TTLL5: variants seen among roughly 807,000 people sequenced by gnomAD.
The protein encoded by TTLL5 is tubulin tyrosine ligase like 5, also known as tubulin polyglutamylase TTLL5.
TTLL5 carries 132 observed loss-of-function variants against 168.4 expected under a neutral mutation model. That is an observed-to-expected ratio of 0.78 (90% CI 0.68 to 0.91). TTLL5 has a LOEUF of 0.91. TTLL5 is among the 40% of genes least tolerant of loss of function. The probability of loss-of-function intolerance (pLI) is 0.00; values close to 1 mark genes in which losing one functional copy is unlikely to be tolerated. For synonymous variants in TTLL5, 546 were observed against 558.6 expected (o/e 0.98, Z 0.32); for missense variants, 1,545 against 1,581.5 (o/e 0.98, Z 0.39).
intron 28 of TTLL5, among the ~76,000 whole-genome samples, chr14:75,823,780 C>G (rs1894965792): frequency 6.6e-6 from 1 of 152,122 alleles, no homozygotes; most frequent in South Asian, 2.1e-4. Context: ...CTGGCCAGCT[C>G]CCATTGTCTA....
intron 28 of TTLL5, among the ~76,000 whole-genome samples, chr14:75,824,245 G>A (rs1894991391): frequency 6.6e-6 from 1 of 152,144 alleles, no homozygotes; most frequent in Non-Finnish European, 1.5e-5. Context: ...TGGGTGCTGG[G>A]TAGGGCCTAA....
intron 17 of TTLL5, among the ~76,000 whole-genome samples, chr14:75,747,272 G>A (rs964132033): frequency 2.0e-5 from 3 of 151,752 alleles, no homozygotes; most frequent in African/African-American, 7.3e-5. Context: ...GTTTTTGTGT[G>A]TCCTTTTTCT....
chr14:75,783,099 T>C, intron 25 of TTLL5, 48 bp from the exon 26 acceptor site: 1 of 1,494,674 alleles, frequency 6.7e-7, no homozygotes, highest in South Asian at 1.3e-5. Context: ...AGAGATTGTA[T>C]GTTTGTTTTT....
intron 27 of TTLL5, among the ~76,000 whole-genome samples, chr14:75,811,065 C>T (rs1258358876): frequency 2.1e-5 from 3 of 142,754 alleles, no homozygotes; most frequent in Non-Finnish European, 4.5e-5. Context: ...AACCACTTTT[C>T]TACTCAACTG....
intron 28 of TTLL5, among the ~76,000 whole-genome samples, chr14:75,829,506 A>G (rs1163348318): frequency 6.6e-6 from 1 of 152,184 alleles, no homozygotes; most frequent in African/African-American, 2.4e-5. Context: ...AATCATCATA[A>G]AGGTCTTCAT....
intron 31 of TTLL5, chr14:75,930,462 C>A: frequency 2.1e-6 from 1 of 481,152 alleles, no homozygotes; most frequent in African/African-American, 2.1e-5. Flanking sequence ...TAGGGATGTT[C>A]AACCAGTAAG....
chr14:75,808,048 T>C (rs1893759498), intron 27 of TTLL5, among the ~76,000 whole-genome samples: 1 of 152,170 alleles, frequency 6.6e-6, no homozygotes, highest in African/African-American at 2.4e-5. Flanking sequence ...AGAGATGCAA[T>C]AAGAATAGAT....
intron 28 of TTLL5, among the ~76,000 whole-genome samples, chr14:75,846,235 AC>A (rs1896533432): frequency 1.3e-5 from 2 of 152,190 alleles, no homozygotes; most frequent in African/African-American, 2.4e-5. Flanking sequence ...ATAGATATAA[AC>A]CAGCAGGTCA....
intron 26 of TTLL5, among the ~76,000 whole-genome samples, chr14:75,791,501 T>C (rs918669611): frequency 4.6e-5 from 7 of 151,740 alleles, no homozygotes; most frequent in South Asian, 2.1e-4. Flanking sequence ...AATTATCTGG[T>C]ATTTTGTTTG....
At chr14:75,836,077 A>G (rs532161587) in intron 28 of TTLL5, among the ~76,000 whole-genome samples, 1 of 152,330 alleles carries the variant, frequency 6.6e-6, no homozygotes, top group African/African-American at 2.4e-5. Context: ...TATATTGAAG[A>G]GATATGTGCA....
At chr14:75,693,647 A>G (rs557150316) in intron 6 of TTLL5, among the ~76,000 whole-genome samples, 4 of 152,326 alleles carry the variant, frequency 2.6e-5, no homozygotes, top group South Asian at 4.1e-4. Flanking sequence ...TCTGTTGCCA[A>G]CTCCAGCCAT....
chr14:75,914,033 A>AAAAAAAAAAAAAATATATAT, intron 31 of TTLL5, among the ~76,000 whole-genome samples: 3 of 71,096 alleles, frequency 4.2e-5, no homozygotes, highest in South Asian at 5.5e-4. Context: ...AAAAAAAAAA[A>AAAAAAAAAAAAAATATATAT]ATATATATAT....
intron 12 of TTLL5, among the ~76,000 whole-genome samples, chr14:75,723,230 T>C (rs1020887259): frequency 1.1e-4 from 16 of 152,268 alleles, no homozygotes; most frequent in African/African-American, 3.4e-4. Context: ...GCTAGGACTA[T>C]AGGTGTGTGC....
intron 31 of TTLL5, among the ~76,000 whole-genome samples, chr14:75,931,430 C>G (rs2034272918): frequency 6.6e-6 from 1 of 152,178 alleles, no homozygotes; most frequent in African/African-American, 2.4e-5. Flanking sequence ...TTAAATATCC[C>G]TCAGTTAACA....
intron 30 of TTLL5, among the ~76,000 whole-genome samples, chr14:75,887,972 T>TTGTATAG (rs1225689306): frequency 1.3e-5 from 2 of 152,158 alleles, no homozygotes; most frequent in African/African-American, 4.8e-5. Flanking sequence ...TGGAGGGCTT[T>TTGTATAG]TGTATAGTGT....
At chr14:75,929,560 T>G (rs1437483053) in intron 31 of TTLL5, among the ~76,000 whole-genome samples, 1 of 150,748 alleles carries the variant, frequency 6.6e-6, no homozygotes, top group African/African-American at 2.4e-5. Flanking sequence ...CAAGCAATTC[T>G]CTCTGCCTCA....
chr14:75,755,499 C>T (rs1003639021), intron 18 of TTLL5, among the ~76,000 whole-genome samples: 4 of 152,142 alleles, frequency 2.6e-5, no homozygotes, highest in East Asian at 1.9e-4. Context: ...CCTCCTCTAT[C>T]CTAGATTAGA....
intron 2 of TTLL5, among the ~76,000 whole-genome samples, chr14:75,664,086 A>G (rs1308631758): frequency 2.7e-5 from 4 of 147,328 alleles, no homozygotes; most frequent in East Asian, 2.0e-4. Flanking sequence ...CTCCATCTCA[A>G]AAAAAAAAAA....
chr14:75,890,805 T>C (rs1443083174), intron 30 of TTLL5, among the ~76,000 whole-genome samples: 4 of 152,194 alleles, frequency 2.6e-5, no homozygotes, highest in Non-Finnish European at 5.9e-5. Context: ...CTGCAGCCTC[T>C]GTCTCCCAGG....
Sources: gnomAD v4.1 joint callset for allele counts (sites outside exome capture counted in the v4.1 genomes callset) on GRCh38, gnomAD v4.1.1 for gene constraint, MANE v1.5 for transcripts, NCBI Gene and HGNC (gene_info 2026-07-23, HGNC 2026-07-21) for gene names.